CPZ: variants seen among roughly 807,000 people sequenced by gnomAD.
The protein encoded by CPZ is VEZT/CPZ fusion.
Under a neutral mutation model 61.8 loss-of-function variants are expected in CPZ, and 103 were observed. That is an observed-to-expected ratio of 1.67 (90% confidence interval 1.42 to 1.96). CPZ has a LOEUF of 1.96. CPZ is among the 30% of genes most tolerant of loss of function. The pLI is 0.00. For missense variants in CPZ, 1,461 were observed against 914.9 expected (o/e 1.60, Z -7.70); for synonymous variants, 551 against 373.7 (o/e 1.47, Z -5.47).
At chr4:8,607,697 G>T (rs1201014360) in intron 7 of CPZ, among the ~76,000 whole-genome samples, 1 of 152,204 alleles carries the variant, frequency 6.6e-6, no homozygotes, top group Non-Finnish European at 1.5e-5. Context: ...CTGGGGTGGG[G>T]ACCCTGCCTC....
At chr4:8,599,689 A>G (rs2109314817) in intron 2 of CPZ, 1 of 1,384,246 alleles carries the variant, frequency 7.2e-7, no homozygotes, top group Non-Finnish European at 9.5e-7. Context: ...AAGGTGCACC[A>G]GCTTCCCACC....
chr4:8,618,182 T>G lies in CPZ; in HGVS notation c.1504-247T>G, dbSNP rs115365555. On this transcript the variant is annotated intron_variant, in intron 9 of 10. Coordinates refer to ENST00000360986, the MANE Select transcript of CPZ (RefSeq NM_001014447.3). ...GAGATGGAGTCAGCCAGGCCTCGGG[T>G]GAGATGCAGGGTCATTCAAAAGCCC... The G allele has an allele frequency of 7.2e-3, 3,685 of 513,214 alleles. 29 individuals are homozygous for G. Among genetic ancestry groups the G allele is most frequent in the Non-Finnish European group, 8.8e-3 (2,495 of 284,412 alleles). 31.8% of individuals were successfully genotyped at this position (513,214 alleles called of 1,614,324 possible).
chr4:8,604,706 C>T (rs1714807490), intron 4 of CPZ, among the ~76,000 whole-genome samples: 1 of 152,228 alleles, frequency 6.6e-6, no homozygotes. Flanking sequence ...TAGTCTCGAA[C>T]TCCTGACCTC....
Position 8,619,434 on chromosome 4 carries a change from T to G in CPZ, c.1776T>G (p.Ile592Met). The G allele has an allele frequency of 6.2e-7, 1 of 1,613,908 alleles. No individual in the cohort carries two copies. The highest frequency in any genetic ancestry group is 1.1e-5 in the South Asian group (1 of 91,002). ...QPLGMGPKNF[I>M]HGLRRTGPHD... ...TGGGGATGGGACCCAAGAACTTTAT[T>G]CATGGGCTGCGGAGGACTGGGCCCC... Residue 592 changes from isoleucine (I) to methionine (M), a missense_variant, in exon 11 of 11, where the codon ATT (isoleucine) becomes ATG (methionine). Coordinates refer to ENST00000360986, the MANE Select transcript of CPZ (RefSeq NM_001014447.3).
chr4:8,597,402 C>T (rs1714252073), intron 1 of CPZ: 1 of 152,200 alleles, frequency 6.6e-6, no homozygotes, highest in African/African-American at 2.4e-5. Flanking sequence ...GTCATGCCTC[C>T]TTTATGCTGC....
intron 9 of CPZ, among the ~76,000 whole-genome samples, chr4:8,616,687 A>T (rs928616142): frequency 3.3e-5 from 5 of 152,164 alleles, no homozygotes; most frequent in Admixed American, 3.3e-4. Context: ...GAGGAGCCAC[A>T]GGGTGGGGTG....
At chr4:8,613,133 C>CTTT (rs36005113) in intron 8 of CPZ, among the ~76,000 whole-genome samples, 49 of 134,700 alleles carry the variant, frequency 3.6e-4, no homozygotes, top group African/African-American at 1.2e-3. Context: ...CTCTCTGTTC[C>CTTT]TTTTTTTTTT....
intron 7 of CPZ, among the ~76,000 whole-genome samples, chr4:8,609,264 C>A (rs947898897): frequency 1.1e-5 from 1 of 93,976 alleles, no homozygotes; most frequent in Non-Finnish European, 2.2e-5. Flanking sequence ...CACTCATTCT[C>A]TTATTCATTC....
chr4:8,598,555 T>C (rs993372387), intron 1 of CPZ, among the ~76,000 whole-genome samples: 1 of 152,282 alleles, frequency 6.6e-6, no homozygotes, highest in African/African-American at 2.4e-5. Context: ...GTGGGTCACG[T>C]CCCCTTCTCC....
intron 1 of CPZ, among the ~76,000 whole-genome samples, chr4:8,593,612 C>G (rs778990805): frequency 1.3e-5 from 2 of 152,176 alleles, no homozygotes; most frequent in Non-Finnish European, 2.9e-5. Context: ...CAACCGTGCT[C>G]AGGACTCTCA....
chr4:8,605,893 A>T (rs1389345547), intron 4 of CPZ, 96 bp from the exon 5 acceptor site: 1 of 1,237,290 alleles, frequency 8.1e-7, no homozygotes, highest in Non-Finnish European at 1.1e-6. Context: ...AATTGGTCCC[A>T]GCCCATCTGG....
In CPZ at chr4:8,604,114, G is replaced by A. The variant is rs143281934; in HGVS notation, c.635G>A (p.Ser212Asn). Residue 212 changes from serine to asparagine, a missense_variant, in exon 4 of 11, where the codon AGC becomes AAC. Physicochemically the swap from Ser to Asn is conservative, Grantham distance 46. Coordinates refer to ENST00000360986, the MANE Select transcript of CPZ (RefSeq NM_001014447.3). ...TGCGCCCACGTGGCCAGGACCTACAGCATCGGGCGCAGCTTCGACGGCAGG... is the reference window on the plus strand; with the variant it reads ...TGCGCCCACGTGGCCAGGACCTACAACATCGGGCGCAGCTTCGACGGCAGG... ...SRCAHVARTY[S>N]IGRSFDGREL... The A allele has an allele frequency of 1.2e-3, 1,881 of 1,602,176 alleles. 5 individuals carry two copies. The Middle Eastern group carries it at 0.024, about 21-fold the overall frequency.
Position 8,611,805 on chromosome 4 carries a change from C to T in CPZ, c.1228-222C>T, listed in dbSNP as rs188341660. Among the ~76,000 whole-genome samples, 28 of 152,190 alleles carry T rather than the reference C, an allele frequency of 1.8e-4. No homozygotes were observed. The East Asian group carries it at 2.7e-3, about 15-fold the overall frequency. On this transcript the variant is annotated intron_variant, in intron 7 of 10. Coordinates refer to ENST00000360986, the MANE Select transcript of CPZ (RefSeq NM_001014447.3). The stretch of plus-strand genomic sequence containing the variant: ...CCCAGTTACCCATGGGACCTGGCCC[C>T]GAACTCCAGCAGTGCCAGACCGCCT...
chr4:8,601,826 T>TGG, intron 3 of CPZ: 1 of 232,420 alleles, frequency 4.3e-6, no homozygotes, highest in Non-Finnish European at 8.3e-6. Flanking sequence ...AGGCCTCGTG[T>TGG]GGGGGAGCCT....
At chr4:8,608,135 T>TCCAGCTTCCAGCCCCCAGCCC (rs1553877381) in intron 7 of CPZ, among the ~76,000 whole-genome samples, 3 of 137,574 alleles carry the variant, frequency 2.2e-5, no homozygotes, top group Non-Finnish European at 3.1e-5. Context: ...GGCCCCAGCC[T>TCCAGCTTCCAGCCCCCAGCCC]CCAGCCCCCA....
At chr4:8,599,679 A>G in intron 2 of CPZ, 194 bp downstream of exon 2, 1 of 1,410,034 alleles carries the variant, frequency 7.1e-7, no homozygotes, top group African/African-American at 1.4e-5. Context: ...CAGCTAGGAA[A>G]AGGTGCACCA....
At position 8,619,488 on chromosome 4, in the gene CPZ, G is replaced by A. The variant is rs778915613; in HGVS notation, c.1830G>A (p.Leu610=). 2 of 1,607,634 alleles carry A rather than the reference G, an allele frequency of 1.2e-6. No homozygotes were observed. Among genetic ancestry groups the A allele is most frequent in the Non-Finnish European group, 8.5e-7 (1 of 1,175,720 alleles). The change falls in exon 11 of 11, where the codon TTG becomes TTA. Residue 610 remains leucine, a synonymous_variant. Coordinates refer to ENST00000360986, the MANE Select transcript of CPZ (RefSeq NM_001014447.3). ...ACCCACTGGGAGGTGCCAGCTCTTT[G>A]GGGGAGGCCACGGAGCCCGACCCGC... ...PHDPLGGASS[L]GEATEPDPLR...
chr4:8,594,205 C>T (rs3775884), intron 1 of CPZ, among the ~76,000 whole-genome samples: 18,644 of 152,226 alleles, frequency 0.12, 2,080 homozygotes, highest in African/African-American at 0.29. Flanking sequence ...ATCCCCCAGT[C>T]CAGTCTCCCC....
At chr4:8,598,098 G>C (rs116093621) in intron 1 of CPZ, among the ~76,000 whole-genome samples, 2 of 152,232 alleles carry the variant, frequency 1.3e-5, no homozygotes, top group African/African-American at 4.8e-5. Flanking sequence ...CCCGGAGAGC[G>C]CTGTGTGGAC....
Sources: gnomAD v4.1 joint callset for allele counts (sites outside exome capture counted in the v4.1 genomes callset) on GRCh38, gnomAD v4.1.1 for gene constraint, MANE v1.5 for transcripts, NCBI Gene and HGNC (gene_info 2026-07-23, HGNC 2026-07-21) for gene names.